Variants in ST7 observed in about 807,000 individuals in gnomAD.
ST7 encodes the protein suppressor of tumorigenicity 7 protein.
In ST7, 28 loss-of-function variants were observed where a neutral mutation model predicts 78.7. That is an observed-to-expected ratio of 0.36 (90% CI 0.26 to 0.49). The LOEUF (loss-of-function observed/expected upper bound fraction) is 0.49, where lower values mean the gene tolerates loss of function less well. ST7 is among the 20% of genes least tolerant of loss of function. ST7 has a pLI of 0.99. For missense variants in ST7, 418 were observed against 696.0 expected (o/e 0.60, Z 4.49); for synonymous variants, 247 against 249.6 (o/e 0.99, Z 0.10).
rs916499590 is a variant in ST7, at chr7:117,207,150, T to TTA, written c.1255-2636_1255-2635insAT. Among the ~76,000 whole-genome samples the TTA allele has an allele frequency of 1.9e-3, 38 of 19,836 alleles. 1 individual carries two copies. Among genetic ancestry groups the TTA allele is most frequent in the Middle Eastern group, 0.14 (2 of 14 alleles). 13.0% of individuals were successfully genotyped at this position (19,836 alleles called of 152,430 possible). ...CCTGCCTCCTGCTAGTTTCTTTTCATTTTTTTTTTTTTTAGGCGGAGTCTT... is the reference window on the plus strand; with the variant it reads ...CCTGCCTCCTGCTAGTTTCTTTTCATTATTTTTTTTTTTTTAGGCGGAGTCTT... On this transcript the variant is annotated intron_variant, in intron 12 of 15. Coordinates refer to ENST00000323984, the MANE Select transcript of ST7 (RefSeq NM_001369598.1).
At chr7:117,214,819 A>C (rs1584622672) in intron 13 of ST7, among the ~76,000 whole-genome samples, 1 of 151,770 alleles carries the variant, frequency 6.6e-6, no homozygotes, top group East Asian at 1.9e-4. Context: ...TACTTTATTC[A>C]ACAAATATTT....
intron 1 of ST7, among the ~76,000 whole-genome samples, chr7:117,057,452 A>T (rs1798121247): frequency 6.6e-6 from 1 of 152,196 alleles, no homozygotes; most frequent in Non-Finnish European, 1.5e-5. Context: ...GTGAATTTTT[A>T]AAAATTAAGA....
chr7:117,131,534 G>A (rs1043730227), intron 5 of ST7, among the ~76,000 whole-genome samples: 1 of 151,868 alleles, frequency 6.6e-6, no homozygotes, highest in Admixed American at 6.6e-5. Flanking sequence ...GTATCTAAGT[G>A]AATGAAAAGG....
At chr7:116,969,882 C>T (rs796648055) in intron 1 of ST7, among the ~76,000 whole-genome samples, 106 of 152,230 alleles carry the variant, frequency 7.0e-4, no homozygotes, top group African/African-American at 2.6e-3. Flanking sequence ...TTGAGACTAG[C>T]CTGACCAACA....
chr7:117,085,517 C>T (rs1005173362), intron 1 of ST7, among the ~76,000 whole-genome samples: 8 of 152,158 alleles, frequency 5.3e-5, no homozygotes, highest in Non-Finnish European at 7.4e-5. Context: ...TGCATGTGTG[C>T]GATGACTATT....
intron 1 of ST7, among the ~76,000 whole-genome samples, chr7:117,032,857 C>T (rs1413189771): frequency 6.6e-6 from 1 of 152,176 alleles, no homozygotes; most frequent in Non-Finnish European, 1.5e-5. Context: ...ATAGATTCAT[C>T]TATGCTGACT....
intron 1 of ST7, among the ~76,000 whole-genome samples, chr7:117,001,496 G>C (rs1007558900): frequency 2.0e-5 from 3 of 152,170 alleles, no homozygotes; most frequent in Admixed American, 6.5e-5. Context: ...GTGAGCTGCA[G>C]AAAGGACTAG....
At chr7:117,104,371 C>T (rs1801795277) in intron 2 of ST7, among the ~76,000 whole-genome samples, 1 of 152,076 alleles carries the variant, frequency 6.6e-6, no homozygotes, top group South Asian at 2.1e-4. Flanking sequence ...ATCCAGGAGG[C>T]GGAGGTTGCA....
intron 2 of ST7, among the ~76,000 whole-genome samples, chr7:117,109,580 G>GAT (rs1248412363): frequency 6.6e-6 from 1 of 152,008 alleles, no homozygotes. Context: ...AAAAGTCCAG[G>GAT]ACCAGATAGA....
intron 14 of ST7, 118 bp from the exon 15 acceptor site, chr7:117,221,805 C>A: frequency 8.4e-7 from 1 of 1,192,144 alleles, no homozygotes. Context: ...GCTATTTTTT[C>A]ATTTCCCATA....
At chr7:117,045,842 A>G (rs1338498703) in intron 1 of ST7, among the ~76,000 whole-genome samples, 1 of 152,198 alleles carries the variant, frequency 6.6e-6, no homozygotes. Flanking sequence ...TACAGGGACC[A>G]TCTCTGGCTT....
intron 1 of ST7, among the ~76,000 whole-genome samples, chr7:117,091,334 G>A (rs2429008): frequency 0.06 from 9,143 of 152,112 alleles, 317 homozygotes; most frequent in East Asian, 0.084. Context: ...ATCCTTGATC[G>A]AACTGATGCT....
chr7:117,209,092 G>A (rs929368104), intron 12 of ST7, among the ~76,000 whole-genome samples: 1 of 152,104 alleles, frequency 6.6e-6, no homozygotes, highest in Non-Finnish European at 1.5e-5. Context: ...CTCAGCCCCC[G>A]GGAAGTATAT....
At chr7:117,108,247 A>G (rs563731032) in intron 2 of ST7, among the ~76,000 whole-genome samples, 7 of 152,222 alleles carry the variant, frequency 4.6e-5, no homozygotes, top group African/African-American at 1.7e-4. Flanking sequence ...TCTTTGATTC[A>G]TCTTGAGGTG....
At chr7:116,967,295 A>G (rs1007389245) in intron 1 of ST7, 4 of 470,992 alleles carry the variant, frequency 8.5e-6, no homozygotes, top group Non-Finnish European at 1.8e-5. Context: ...ACATACCCGC[A>G]GTGGTGGTGG....
At chr7:117,068,208 A>C (rs548316948) in intron 1 of ST7, among the ~76,000 whole-genome samples, 1 of 152,322 alleles carries the variant, frequency 6.6e-6, no homozygotes, top group Admixed American at 6.5e-5. Context: ...ACATTTCAAA[A>C]ATAATGAATC....
intron 1 of ST7, among the ~76,000 whole-genome samples, chr7:116,985,793 T>C (rs141682408): frequency 0.013 from 1,912 of 152,338 alleles, 39 homozygotes; most frequent in African/African-American, 0.042. Context: ...ATAGCTGACA[T>C]AGCCAGTTTG....
chr7:117,126,250 G>A (rs1803832420), intron 3 of ST7, among the ~76,000 whole-genome samples: 1 of 151,716 alleles, frequency 6.6e-6, no homozygotes, highest in Non-Finnish European at 1.5e-5. Flanking sequence ...CCATGACTAG[G>A]GATTTTCTAT....
chr7:116,982,172 ACTTCTG>A (rs1267008857), intron 1 of ST7, among the ~76,000 whole-genome samples: 2 of 152,082 alleles, frequency 1.3e-5, no homozygotes, highest in African/African-American at 4.8e-5. Flanking sequence ...GTATTCATTT[ACTTCTG>A]CTGCTGCTGC....
Sources: allele counts gnomAD v4.1 joint callset (sites outside exome capture counted in the v4.1 genomes callset), GRCh38; gene constraint gnomAD v4.1.1; transcripts MANE v1.5; gene names NCBI Gene and HGNC (gene_info 2026-07-23, HGNC 2026-07-21).